SEM1: variants seen among roughly 807,000 people sequenced by gnomAD.
SEM1 encodes the protein 26S proteasome complex subunit SEM1.
In SEM1, 3 loss-of-function variants were observed where a neutral mutation model predicts 12.7. That is an observed-to-expected ratio of 0.24 (90% confidence interval 0.11 to 0.61). The LOEUF is 0.61. Among genes scored for constraint, SEM1 ranks in the 20% least tolerant of loss-of-function variants. The pLI is 0.88. For synonymous variants in SEM1, 30 were observed against 27.8 expected, an observed-to-expected ratio of 1.08 and a Z score of -0.25; for missense variants, 59 against 81.3, an observed-to-expected ratio of 0.73 and a Z score of 1.06.
chr7:96,482,735 A>T (rs1049535727), exon 4 of SEM1: 1 of 152,220 alleles, frequency 6.6e-6, no homozygotes, highest in Non-Finnish European at 1.5e-5. Flanking sequence ...TTCCTAATGG[A>T]TATGGCAGAA....
At chr7:96,622,433 G>A (rs1465364343), downstream of SEM1, 237 of 530,552 alleles carry the variant, frequency 4.5e-4, 1 homozygote, top group Non-Finnish European at 8.8e-5. Flanking sequence ...AACAGTAGTC[G>A]ATTCAGGAGA....
intron 2 of SEM1, among the ~76,000 whole-genome samples, chr7:96,568,138 G>C (rs927398827): frequency 6.6e-6 from 1 of 151,730 alleles, no homozygotes; most frequent in Admixed American, 6.6e-5. Context: ...CCTGATGCCT[G>C]CAACTTTTGA....
At chr7:96,643,579 G>C (rs1266327976) in intron 2 of SEM1, among the ~76,000 whole-genome samples, 1 of 151,966 alleles carries the variant, frequency 6.6e-6, no homozygotes, top group Non-Finnish European at 1.5e-5. Context: ...TGATAGACTG[G>C]CTAAAGAAAA....
intron 1 of SEM1, chr7:96,695,167 G>C: frequency 4.1e-6 from 1 of 246,714 alleles, no homozygotes; most frequent in Non-Finnish European, 7.7e-6. Context: ...ATTTTTCTTT[G>C]AACTCATTTT....
chr7:96,611,994 C>G (rs1007063203), intron 2 of SEM1, among the ~76,000 whole-genome samples: 1 of 140,832 alleles, frequency 7.1e-6, no homozygotes, highest in East Asian at 1.9e-4. Context: ...CCTTACCCCC[C>G]CAAATAAAAA....
rs556435049 is a variant in SEM1 at position 96,592,063 on chromosome 7, C to T, written c.171-85365G>A. Among the ~76,000 whole-genome samples the T allele has an allele frequency of 7.2e-5, 11 of 152,080 alleles. No homozygotes were observed. In the East Asian group the frequency reaches 7.7e-4, roughly 11 times the overall value. Reference sequence around the variant, plus strand: ...AAGAGGGGATGCCAGTAGGATTAAGCGACTTTCTCACCACTGGTATTATCA... The same window carrying T: ...AAGAGGGGATGCCAGTAGGATTAAGTGACTTTCTCACCACTGGTATTATCA... On this transcript the variant is annotated intron_variant and NMD_transcript_variant, in intron 2 of 3. Transcript: ENST00000466986.
At chr7:96,567,191 T>C (rs7357115) in intron 2 of SEM1, among the ~76,000 whole-genome samples, 8,743 of 151,608 alleles carry the variant, frequency 0.058, 810 homozygotes, top group African/African-American at 0.2. Flanking sequence ...TTGAGTCTTC[T>C]TATCCAATAA....
chr7:96,564,930 T>A (rs939052070), intron 2 of SEM1, among the ~76,000 whole-genome samples: 1 of 152,184 alleles, frequency 6.6e-6, no homozygotes, highest in East Asian at 1.9e-4. Flanking sequence ...GTAATTAATA[T>A]ATGTTTGTTG....
intron 2 of SEM1, among the ~76,000 whole-genome samples, chr7:96,691,011 T>A (rs1435408671): frequency 6.6e-6 from 1 of 152,184 alleles, no homozygotes; most frequent in East Asian, 1.9e-4. Context: ...GACCTCGTGA[T>A]CCACCGGCCT....
At chr7:96,647,196 A>T (rs555390574) in intron 2 of SEM1, among the ~76,000 whole-genome samples, 36 of 152,310 alleles carry the variant, frequency 2.4e-4, no homozygotes, top group African/African-American at 8.4e-4. Context: ...ATAGCACTGC[A>T]TGCTCTCTTT....
chr7:96,608,675 A>T (rs1307735344), intron 2 of SEM1, among the ~76,000 whole-genome samples: 1 of 152,154 alleles, frequency 6.6e-6, no homozygotes, highest in African/African-American at 2.4e-5. Context: ...ATCATACAAT[A>T]TGTAGTCTTT....
downstream of SEM1, among the ~76,000 whole-genome samples, chr7:96,669,051 G>A (rs1051429596): frequency 1.3e-5 from 2 of 152,248 alleles, no homozygotes; most frequent in East Asian, 3.9e-4. Flanking sequence ...GCATGGCCCT[G>A]CTGACACCTT....
downstream of SEM1, among the ~76,000 whole-genome samples, chr7:96,619,447 TG>T (rs1807822182): frequency 1.3e-5 from 2 of 152,056 alleles, no homozygotes; most frequent in Non-Finnish European, 2.9e-5. Context: ...GGGACTTGGA[TG>T]GCACATGAGC....
At chr7:96,573,767 C>A (rs1270408649) in intron 2 of SEM1, among the ~76,000 whole-genome samples, 1 of 152,008 alleles carries the variant, frequency 6.6e-6, no homozygotes, top group African/African-American at 2.4e-5. Flanking sequence ...TCTTGAGTAT[C>A]TTTGTGGTGT....
intron 2 of SEM1, among the ~76,000 whole-genome samples, chr7:96,545,682 T>A (rs1037959094): frequency 1.3e-5 from 2 of 152,082 alleles, no homozygotes; most frequent in Non-Finnish European, 2.9e-5. Flanking sequence ...TATTTTAGCG[T>A]TATGCATAGA....
chr7:96,493,109 G>T (rs1336030447), intron 1 of SEM1, among the ~76,000 whole-genome samples: 1 of 151,958 alleles, frequency 6.6e-6, no homozygotes, highest in Non-Finnish European at 1.5e-5. Flanking sequence ...AAGTAGTTGG[G>T]TTATAGCCAC....
intron 2 of SEM1, among the ~76,000 whole-genome samples, chr7:96,602,025 G>A (rs2116194167): frequency 6.6e-6 from 1 of 152,318 alleles, no homozygotes; most frequent in East Asian, 1.9e-4. Context: ...GCTGTGGGTA[G>A]AGAAACTTTT....
At chr7:96,620,882 G>A (rs1026531776), downstream of SEM1, among the ~76,000 whole-genome samples, 2 of 151,948 alleles carry the variant, frequency 1.3e-5, no homozygotes, top group Admixed American at 6.6e-5. Context: ...TTATTTACCT[G>A]TTTATATTTG....
intron 2 of SEM1, among the ~76,000 whole-genome samples, chr7:96,611,807 T>C (rs1358190427): frequency 6.6e-6 from 1 of 152,214 alleles, no homozygotes; most frequent in East Asian, 1.9e-4. Flanking sequence ...TTCCATCCGG[T>C]GCTAGCTGGC....
Sources: allele counts gnomAD v4.1 joint callset (sites outside exome capture counted in the v4.1 genomes callset), GRCh38; gene constraint gnomAD v4.1.1; transcripts MANE v1.5; gene names NCBI Gene and HGNC (gene_info 2026-07-23, HGNC 2026-07-21).